Variants in TMTC2 observed in about 807,000 individuals in gnomAD.
The protein encoded by TMTC2 is transmembrane O-mannosyltransferase targeting cadherins 2.
In TMTC2, 43 loss-of-function variants were observed where a neutral mutation model predicts 82.4. That is an observed-to-expected ratio of 0.52 (90% CI 0.41 to 0.67). The LOEUF (loss-of-function observed/expected upper bound fraction) is 0.67, where lower values mean the gene tolerates loss of function less well. Ranked by LOEUF, TMTC2 falls within the 30% of genes least tolerant of loss-of-function variation. The pLI is 0.00. For synonymous variants in TMTC2, 408 were observed against 381.9 expected, an observed-to-expected ratio of 1.07 and a Z score of -0.80; for missense variants, 919 against 1,012.4, an observed-to-expected ratio of 0.91 and a Z score of 1.25.
chr12:82,762,746 T>C (rs917640166), intron 1 of TMTC2, among the ~76,000 whole-genome samples: 5 of 152,280 alleles, frequency 3.3e-5, no homozygotes, highest in Admixed American at 6.5e-5. Context: ...GAGTAAATAC[T>C]GTGAATTTTA....
Position 83,089,837 on chromosome 12 carries a change from A to T in TMTC2, c.2331+28006A>T, listed in dbSNP as rs920344827. Among the ~76,000 whole-genome samples the T allele has an allele frequency of 8.1e-5, 12 of 148,476 alleles. No homozygotes were observed. The South Asian group carries it at 2.1e-3, about 26-fold the overall frequency. ...GCTTGATAATAGCAAAAAAAACAAA[A>T]AACAAAAAACAAAAAAAAAAAAACT... On this transcript the variant is annotated intron_variant, in intron 11 of 11. Transcript: ENST00000321196.
At chr12:82,821,606 T>C (rs1214060701) in intron 1 of TMTC2, among the ~76,000 whole-genome samples, 1 of 152,044 alleles carries the variant, frequency 6.6e-6, no homozygotes, top group East Asian at 1.9e-4. Flanking sequence ...GGTAGGCGCA[T>C]AGGAGTTTAT....
intron 11 of TMTC2, among the ~76,000 whole-genome samples, chr12:83,104,612 G>A (rs1186641124): frequency 6.6e-6 from 1 of 152,206 alleles, no homozygotes; most frequent in African/African-American, 2.4e-5. Flanking sequence ...GTCTCCCAAG[G>A]CTGCTCAGGG....
At chr12:83,003,746 A>G (rs1000231465) in intron 8 of TMTC2, among the ~76,000 whole-genome samples, 26 of 152,142 alleles carry the variant, frequency 1.7e-4, no homozygotes, top group African/African-American at 5.1e-4. Context: ...TAGGTCCCCA[A>G]TCTCTTCTGG....
chr12:82,846,313 A>G (rs956669513), intron 1 of TMTC2, among the ~76,000 whole-genome samples: 1 of 152,048 alleles, frequency 6.6e-6, no homozygotes, highest in Non-Finnish European at 1.5e-5. Flanking sequence ...AGCTGAGATC[A>G]TGTGACTGCA....
chr12:83,070,825 G>C (rs2137487346), intron 11 of TMTC2, among the ~76,000 whole-genome samples: 1 of 152,258 alleles, frequency 6.6e-6, no homozygotes, highest in South Asian at 2.1e-4. Context: ...GTTGGCTGTA[G>C]GTTTGTCATA....
chr12:83,068,906 T>C (rs1016624013), intron 11 of TMTC2, among the ~76,000 whole-genome samples: 1 of 152,110 alleles, frequency 6.6e-6, no homozygotes, highest in African/African-American at 2.4e-5. Context: ...ATCATTCTTA[T>C]GCCTTTGCGT....
intron 11 of TMTC2, among the ~76,000 whole-genome samples, chr12:83,089,847 C>CAAAAAAAAAAAAAAAA (rs200273951): frequency 7.4e-6 from 1 of 135,732 alleles, no homozygotes; most frequent in African/African-American, 2.9e-5. Context: ...AAACAAAAAA[C>CAAAAAAAAAAAAAAAA]AAAAAAAAAA....
intron 1 of TMTC2, among the ~76,000 whole-genome samples, chr12:82,731,372 C>G (rs538594142): frequency 1.3e-5 from 2 of 152,168 alleles, no homozygotes; most frequent in African/African-American, 4.8e-5. Flanking sequence ...AGAGTTTTTT[C>G]TCATCTTTTA....
intron 1 of TMTC2, among the ~76,000 whole-genome samples, chr12:82,712,400 A>G (rs1873670222): frequency 7.1e-6 from 1 of 141,608 alleles, no homozygotes; most frequent in African/African-American, 2.6e-5. Context: ...ACTGCACTCC[A>G]GCCTGGGCAG....
intron 11 of TMTC2, among the ~76,000 whole-genome samples, chr12:83,101,820 C>T (rs992652413): frequency 6.6e-6 from 1 of 152,070 alleles, no homozygotes; most frequent in Non-Finnish European, 1.5e-5. Context: ...TGTAAGATAC[C>T]TGTCAAATAA....
chr12:82,731,307 G>A (rs1394687993), intron 1 of TMTC2, among the ~76,000 whole-genome samples: 1 of 152,232 alleles, frequency 6.6e-6, no homozygotes, highest in Admixed American at 6.5e-5. Flanking sequence ...GGTTGCCAAC[G>A]TGGGGCTCCA....
intron 1 of TMTC2, among the ~76,000 whole-genome samples, chr12:82,719,059 T>TTATATATATATATATATATATA (rs1271920285): frequency 1.1e-5 from 1 of 94,446 alleles, no homozygotes; most frequent in African/African-American, 4.6e-5. Flanking sequence ...TTAGATGATT[T>TTATATATATATATATATATATA]TATATATATA....
rs187311686 is a variant in TMTC2 at position 83,118,427 on chromosome 12, A to G, written c.2332-13783A>G. Among the ~76,000 whole-genome samples, 3 of 152,274 alleles carry G rather than the reference A, an allele frequency of 2.0e-5. No homozygotes were observed. In the East Asian group the frequency reaches 5.8e-4, roughly 29 times the overall value. ...TGCTTTTTCGGCATCTATTAAGATG[A>G]TCATGTGATTTTTGTTTTTAATTCT... On this transcript the variant is annotated intron_variant, in intron 11 of 11. Coordinates refer to ENST00000321196, the MANE Select transcript of TMTC2 (RefSeq NM_152588.3).
chr12:82,759,238 T>C (rs1297593462), intron 1 of TMTC2: 2 of 152,212 alleles, frequency 1.3e-5, no homozygotes, highest in Non-Finnish European at 2.9e-5. Flanking sequence ...GTCTCAGTGC[T>C]CTAGTGTGTA....
chr12:83,052,460 G>A (rs565142920), intron 10 of TMTC2, among the ~76,000 whole-genome samples: 2 of 152,084 alleles, frequency 1.3e-5, no homozygotes, highest in Non-Finnish European at 2.9e-5. Context: ...AGCCTTCAAT[G>A]CAAAGATAAT....
rs553893874 is a variant in TMTC2 at position 82,953,808 on chromosome 12, G to T, written c.1599-11216G>T. Among the ~76,000 whole-genome samples the T allele has an allele frequency of 1.3e-4, 20 of 149,762 alleles. No homozygotes were observed. The East Asian group carries it at 4.0e-3, about 30-fold the overall frequency. On this transcript the variant is annotated intron_variant, in intron 4 of 11. Coordinates refer to ENST00000321196, the MANE Select transcript of TMTC2 (RefSeq NM_152588.3). ...TGCATAAAAAACCTTAGGAAAAAAT[G>T]TGAGTATCTAAAATTTATGTTTTAT...
chr12:82,688,589 C>G (rs1872440580), intron 1 of TMTC2, among the ~76,000 whole-genome samples: 1 of 152,176 alleles, frequency 6.6e-6, no homozygotes, highest in Non-Finnish European at 1.5e-5. Context: ...GTGTCTTAAT[C>G]TGATTACAAT....
intron 1 of TMTC2, among the ~76,000 whole-genome samples, chr12:82,688,779 G>A (rs1390203727): frequency 1.3e-5 from 2 of 152,178 alleles, no homozygotes; most frequent in Non-Finnish European, 2.9e-5. Flanking sequence ...GATCCCCAGG[G>A]TTAGGGCGAG....
Sources: gnomAD v4.1 joint callset for allele counts (sites outside exome capture counted in the v4.1 genomes callset) on GRCh38, gnomAD v4.1.1 for gene constraint, MANE v1.5 for transcripts, NCBI Gene and HGNC (gene_info 2026-07-23, HGNC 2026-07-21) for gene names.